The following MLLT3 variants were observed in gnomAD, a reference collection of about 807,000 sequenced individuals.
The protein encoded by MLLT3 is MLLT3 super elongation complex subunit.
MLLT3 carries 4 observed loss-of-function variants against 53.2 expected under a neutral mutation model. That is an observed-to-expected ratio of 0.08 (90% CI 0.04 to 0.17). The LOEUF is 0.17. Among genes scored for constraint, MLLT3 ranks in the 10% least tolerant of loss-of-function variants. The probability of loss-of-function intolerance (pLI) is 1.00; values close to 1 mark genes in which losing one functional copy is unlikely to be tolerated. For missense variants in MLLT3, 569 were observed against 684.0 expected, an observed-to-expected ratio of 0.83 and a Z score of 1.87; for synonymous variants, 283 against 230.6, an observed-to-expected ratio of 1.23 and a Z score of -2.06.
chr9:20,374,055 T>C (rs951557282), intron 5 of MLLT3, among the ~76,000 whole-genome samples: 3 of 149,766 alleles, frequency 2.0e-5, no homozygotes, highest in Admixed American at 6.7e-5. Context: ...AAACTGAAAA[T>C]AATCCACTCA....
At position 20,365,596 on chromosome 9, in the gene MLLT3, T is replaced by C; in HGVS notation, c.1201+73A>G. 4 of 1,536,504 alleles carry C rather than the reference T, an allele frequency of 2.6e-6. No individual in the cohort carries two copies. The South Asian group carries it at 4.5e-5, about 17-fold the overall frequency. On this transcript the variant is annotated intron_variant, in intron 6 of 10. Coordinates refer to ENST00000380338, the MANE Select transcript of MLLT3 (RefSeq NM_004529.4). ...ATCTCCTGACCTCTTGATCCACCCG[T>C]GTCAGCCTCCCAAAGTGCCATTAAG...
chr9:20,472,536 G>T (rs1824420277), intron 2 of MLLT3, among the ~76,000 whole-genome samples: 1 of 151,904 alleles, frequency 6.6e-6, no homozygotes. Context: ...CTGGGGGTTG[G>T]GCATTAAACA....
chr9:20,347,666 G>A (rs903541956), intron 10 of MLLT3, among the ~76,000 whole-genome samples: 4 of 152,012 alleles, frequency 2.6e-5, no homozygotes, highest in African/African-American at 7.3e-5. Flanking sequence ...TGGGCACAGC[G>A]TTTTTTGGGG....
chr9:20,381,546 C>A lies in MLLT3; in HGVS notation c.1126-15802G>T, dbSNP rs187947096. 1.5e-3 allele frequency among the ~76,000 whole-genome samples: 221 copies of A among 151,854 alleles called. 2 individuals carry two copies. The highest frequency in any genetic ancestry group is 0.014 in the Middle Eastern group (4 of 292). The stretch of plus-strand genomic sequence containing the variant: ...TTTGCCATGTATATTAACCTGTAAA[C>A]CAATCTAAATGCCATTCAGTCATAT... On this transcript the variant is annotated intron_variant, in intron 5 of 10. Coordinates refer to ENST00000380338, the MANE Select transcript of MLLT3 (RefSeq NM_004529.4).
intron 5 of MLLT3, chr9:20,410,489 T>C (rs1351356777): frequency 1.3e-5 from 2 of 152,128 alleles, no homozygotes; most frequent in Admixed American, 6.5e-5. Flanking sequence ...CCAAGATCCC[T>C]AGTGGCACTG....
At chr9:20,464,194 G>A (rs1824179639) in intron 2 of MLLT3, among the ~76,000 whole-genome samples, 1 of 150,600 alleles carries the variant, frequency 6.6e-6, no homozygotes, top group Non-Finnish European at 1.5e-5. Flanking sequence ...AAAAAAAAAA[G>A]AATTTTAATG....
intron 2 of MLLT3, among the ~76,000 whole-genome samples, chr9:20,564,170 C>A (rs1175775303): frequency 6.6e-6 from 1 of 152,126 alleles, no homozygotes; most frequent in African/African-American, 2.4e-5. Context: ...TCCCTGGATG[C>A]TCTATAAATA....
intron 4 of MLLT3, among the ~76,000 whole-genome samples, chr9:20,441,584 T>C (rs1823556602): frequency 1.3e-5 from 2 of 152,122 alleles, no homozygotes; most frequent in Non-Finnish European, 2.9e-5. Flanking sequence ...ACCACACAAA[T>C]GAAGCAGCCT....
At chr9:20,354,270 A>T (rs2118609762) in intron 9 of MLLT3, among the ~76,000 whole-genome samples, 1 of 152,330 alleles carries the variant, frequency 6.6e-6, no homozygotes, top group Admixed American at 6.5e-5. Context: ...CAGACTCACG[A>T]GTCTTTGTTA....
At chr9:20,365,832 C>T (rs1821437006) in intron 5 of MLLT3, 88 bp from the exon 6 acceptor site, 2 of 1,353,216 alleles carry the variant, frequency 1.5e-6, no homozygotes, top group South Asian at 2.5e-5. Context: ...CTCAAACCAT[C>T]CTCTGCAAAA....
intron 2 of MLLT3, among the ~76,000 whole-genome samples, chr9:20,470,044 G>C (rs184876780): frequency 6.6e-6 from 1 of 151,826 alleles, no homozygotes; most frequent in South Asian, 2.1e-4. Context: ...AAAAAGAAAA[G>C]AAATTTTATG....
intron 2 of MLLT3, among the ~76,000 whole-genome samples, chr9:20,521,394 T>C (rs905258694): frequency 4.6e-5 from 7 of 152,044 alleles, no homozygotes; most frequent in African/African-American, 1.7e-4. Context: ...TTAAACCAAA[T>C]CAATTGAGAA....
At chr9:20,460,019 G>A (rs1480150771) in intron 2 of MLLT3, among the ~76,000 whole-genome samples, 1 of 152,166 alleles carries the variant, frequency 6.6e-6, no homozygotes, top group Non-Finnish European at 1.5e-5. Flanking sequence ...GGTATTTTAT[G>A]ATCAGAATTA....
intron 5 of MLLT3, among the ~76,000 whole-genome samples, chr9:20,368,882 A>G (rs1305448410): frequency 6.6e-6 from 1 of 152,238 alleles, no homozygotes; most frequent in Non-Finnish European, 1.5e-5. Context: ...AAGAGTGGGC[A>G]ACAAGGCAAT....
intron 2 of MLLT3, among the ~76,000 whole-genome samples, chr9:20,547,682 G>A (rs556061376): frequency 1.3e-5 from 2 of 150,942 alleles, no homozygotes; most frequent in South Asian, 2.1e-4. Flanking sequence ...ACTGGACAGT[G>A]GCTCACGCCT....
intron 2 of MLLT3, among the ~76,000 whole-genome samples, chr9:20,618,348 A>T (rs1379825384): frequency 4.6e-5 from 7 of 152,196 alleles, no homozygotes; most frequent in Non-Finnish European, 1.0e-4. Context: ...TAAGCCAAAA[A>T]ATAAGTCCCA....
At chr9:20,619,873 G>A (rs1482702664) in intron 2 of MLLT3, among the ~76,000 whole-genome samples, 1 of 152,084 alleles carries the variant, frequency 6.6e-6, no homozygotes, top group Admixed American at 6.6e-5. Flanking sequence ...AGGTGGGGAG[G>A]GACTAAAGCA....
intron 5 of MLLT3, among the ~76,000 whole-genome samples, chr9:20,388,940 G>A (rs533601348): frequency 6.6e-6 from 1 of 152,290 alleles, no homozygotes; most frequent in African/African-American, 2.4e-5. Context: ...GCTCTGAAGA[G>A]AAATAGAAAA....
At chr9:20,578,805 A>G (rs904649577) in intron 2 of MLLT3, among the ~76,000 whole-genome samples, 1 of 152,218 alleles carries the variant, frequency 6.6e-6, no homozygotes, top group Admixed American at 6.5e-5. Context: ...ATCTAAATAC[A>G]TACCAGATTC....
Sources: gnomAD v4.1 joint callset for allele counts (sites outside exome capture counted in the v4.1 genomes callset) on GRCh38, gnomAD v4.1.1 for gene constraint, MANE v1.5 for transcripts, NCBI Gene and HGNC (gene_info 2026-07-23, HGNC 2026-07-21) for gene names.